NDUFS7: variants seen among roughly 807,000 people sequenced by gnomAD.
NDUFS7 encodes NADH:ubiquinone oxidoreductase core subunit S7.
A neutral mutation model predicts 31.1 loss-of-function variants in NDUFS7; 11 were observed. The ratio of observed to expected loss-of-function variants is 0.35; its 90% CI spans 0.22 to 0.59. The LOEUF is 0.59. Ranked by LOEUF, NDUFS7 falls within the 20% of genes least tolerant of loss-of-function variation. NDUFS7 has a pLI of 0.79. For missense variants in NDUFS7, 263 were observed against 324.2 expected, an observed-to-expected ratio of 0.81 and a Z score of 1.45; for synonymous variants, 136 against 127.9, an observed-to-expected ratio of 1.06 and a Z score of -0.43.
chr19:1,387,822 C>T lies in NDUFS7; in HGVS notation c.28C>T (p.Arg10Cys), dbSNP rs756668743. The T allele has an allele frequency of 5.0e-6, 8 of 1,610,088 alleles. No individual in the cohort carries two copies. Among genetic ancestry groups the T allele is most frequent in the Middle Eastern group, 1.6e-4 (1 of 6,078 alleles). The change falls in exon 2 of 8, where the codon CGC becomes TGC. Residue 10 changes from arginine (R) to cysteine (C), a missense_variant. Coordinates refer to ENST00000233627, the MANE Select transcript of NDUFS7 (RefSeq NM_024407.5). Reference protein sequence around the residue: MAVLSAPGLRGFRILGLRSS... With the variant: MAVLSAPGLCGFRILGLRSS... ...GGTCCTCTCTGCAGCTCCTGGCCTGCGCGGCTTCCGGATCCTTGGTCTGCG... is the reference window on the plus strand; with the variant it reads ...GGTCCTCTCTGCAGCTCCTGGCCTGTGCGGCTTCCGGATCCTTGGTCTGCG...
In NDUFS7 at chr19:1,395,494, C is replaced by G. The variant is rs1046319305; in HGVS notation, c.*6C>G. 1 of 1,562,996 alleles carries G rather than the reference C, an allele frequency of 6.4e-7. No individual in the cohort carries two copies. Among genetic ancestry groups the G allele is most frequent in the Non-Finnish European group, 8.7e-7 (1 of 1,155,102 alleles). ...AGATCTGGTACCGCAGGTAGCGCCG[C>G]CGCCGCCGCCGCCGGAGCCTGTCGC... On this transcript the variant is annotated 3_prime_UTR_variant, in exon 8 of 8. Coordinates refer to ENST00000233627, the MANE Select transcript of NDUFS7 (RefSeq NM_024407.5).
chr19:1,395,366 C>G, intron 7 of NDUFS7, 25 bp from the exon 8 acceptor site: 3 of 1,591,464 alleles, frequency 1.9e-6, no homozygotes, highest in Non-Finnish European at 2.6e-6. Context: ...CTGCGGGAAG[C>G]GAGACTGAGG....
chr19:1,394,579 GACC>G, intron 7 of NDUFS7: 1 of 1,232,696 alleles, frequency 8.1e-7, no homozygotes, highest in Non-Finnish European at 1.0e-6. Context: ...CCTCCCTGCG[GACC>G]GCGCTCGGCC....
At chr19:1,384,174 C>G (rs952422373) in intron 1 of NDUFS7, 4 of 533,366 alleles carry the variant, frequency 7.5e-6, no homozygotes, top group Non-Finnish European at 1.3e-5. Flanking sequence ...ATGACGCAAG[C>G]CTCCAGCCTC....
At position 1,393,339 on chromosome 19, in the gene NDUFS7, G is replaced by A. The variant is rs756896939; in HGVS notation, c.544+9G>A. 1.3e-5 allele frequency: 20 copies of A among 1,564,080 alleles called. No homozygotes were observed. Among genetic ancestry groups the A allele is most frequent in the Middle Eastern group, 3.3e-4 (2 of 6,028 alleles). On this transcript the variant is annotated intron_variant, in intron 7 of 7. Transcript: ENST00000233627. The surrounding 1 kb of genome is among the most constrained non-coding windows in gnomAD (Gnocchi z 7.3). ...GGACATCTACATCCCAGGTAGGGCC[G>A]GGACCGCACCGCCCACGAGGGAGCT...
At position 1,391,731 on chromosome 19, in the gene NDUFS7, C is replaced by G. The variant is rs1032296810; in HGVS notation, c.455+566C>G. The G allele has an allele frequency of 9.6e-4, 152 of 158,662 alleles. 1 individual carries two copies. The highest frequency in any genetic ancestry group is 3.4e-3 in the African/African-American group (142 of 41,598). 9.8% of individuals were successfully genotyped at this position (158,662 alleles called of 1,614,324 possible). On this transcript the variant is annotated intron_variant, in intron 6 of 7. Coordinates refer to ENST00000233627, the MANE Select transcript of NDUFS7 (RefSeq NM_024407.5). Reference sequence around the variant, plus strand: ...TGAACTCCCTCAGGTGATCCGCCTGCCTCGGCCTCCCAAAGTGCTGGGATT... The same window carrying G: ...TGAACTCCCTCAGGTGATCCGCCTGGCTCGGCCTCCCAAAGTGCTGGGATT...
chr19:1,389,214 CAT>C (rs917825562), intron 4 of NDUFS7: 39 of 681,182 alleles, frequency 5.7e-5, no homozygotes, highest in Admixed American at 2.9e-4. Flanking sequence ...CGCTTGCACA[CAT>C]ACACACATGC....
At chr19:1,387,606 C>A (rs889519716) in intron 1 of NDUFS7, 2 of 608,910 alleles carry the variant, frequency 3.3e-6, no homozygotes, top group Non-Finnish European at 6.0e-6. Context: ...GTTTGGGTTC[C>A]TTCCGGGGCC....
In NDUFS7 at chr19:1,393,248, C is replaced by T; in HGVS notation, c.462C>T (p.Ala154=). 6.4e-7 allele frequency: 1 copy of T among 1,567,636 alleles called. No homozygotes were observed. The highest frequency in any genetic ancestry group is 8.6e-7 in the Non-Finnish European group (1 of 1,157,174). Residue 154 remains alanine, a synonymous_variant, in exon 7 of 8, where the codon GCC becomes GCT. Transcript: ENST00000233627. This position sits in a 1 kb window ranked among gnomAD's most constrained non-coding sequence, Gnocchi z 7.3. The part of the protein sequence containing the change: ...PRYVVSMGSC[A]NGGGYYHYSY... ...CACGGTGCCTCCCCAACAGCTGCGC[C>T]AACGGAGGAGGCTACTACCACTATT...
chr19:1,387,747 C>A (rs1390020152), intron 1 of NDUFS7, 64 bp from the exon 2 acceptor site: 1 of 1,516,312 alleles, frequency 6.6e-7, no homozygotes, highest in Admixed American at 1.7e-5. Flanking sequence ...TGGGGAAGCG[C>A]CTGGAGGCCG....
chr19:1,389,708 C>A (rs186884044), intron 4 of NDUFS7: 282 of 355,264 alleles, frequency 7.9e-4, no homozygotes, highest in Non-Finnish European at 1.4e-3. Context: ...GCAGCGTGAG[C>A]ACGTGCAGCT....
At chr19:1,387,757 G>A (rs1158883788) in intron 1 of NDUFS7, 54 bp from the exon 2 acceptor site, 7 of 1,579,226 alleles carry the variant, frequency 4.4e-6, no homozygotes, top group South Asian at 1.1e-5. Flanking sequence ...CCTGGAGGCC[G>A]GCCCTGCGTG....
chr19:1,393,050 C>T lies in NDUFS7; in HGVS notation c.456-192C>T, dbSNP rs1278206715. 1 of 616,540 alleles carries T rather than the reference C, an allele frequency of 1.6e-6. No individual in the cohort carries two copies. Among genetic ancestry groups the T allele is most frequent in the East Asian group, 2.7e-5 (1 of 36,444 alleles). The allele number at this position is 616,540 out of a possible 1,614,324, so 38.2% of individuals were successfully genotyped here. On this transcript the variant is annotated intron_variant, in intron 6 of 7. Transcript: ENST00000233627. This position sits in a 1 kb window ranked among gnomAD's most constrained non-coding sequence, Gnocchi z 7.3. ...CCCCGAGTTATCAGCCACGTGTGAGCTTGCGCCCCACTGGTCCCACAGAGG... is the reference window on the plus strand; with the variant it reads ...CCCCGAGTTATCAGCCACGTGTGAGTTTGCGCCCCACTGGTCCCACAGAGG...
intron 4 of NDUFS7, chr19:1,389,373 C>T: frequency 4.3e-6 from 2 of 466,368 alleles, no homozygotes; most frequent in Non-Finnish European, 4.3e-6. Flanking sequence ...GCATGTGTGC[C>T]TGTTGGCATG....
At chr19:1,385,901 C>G in intron 1 of NDUFS7, among the ~76,000 whole-genome samples, 1 of 152,340 alleles carries the variant, frequency 6.6e-6, no homozygotes, top group Admixed American at 6.5e-5. Context: ...AGAGTATCTC[C>G]TCTGCTAGGA....
chr19:1,385,901 C>T (rs2082504543), intron 1 of NDUFS7, among the ~76,000 whole-genome samples: 1 of 152,222 alleles, frequency 6.6e-6, no homozygotes, highest in Admixed American at 6.5e-5. Flanking sequence ...AGAGTATCTC[C>T]TCTGCTAGGA....
Position 1,393,478 on chromosome 19 carries a change from C to G in NDUFS7, c.544+148C>G. ...GATGGGCCGACTCGGAGCGCTGCCTCTTAGTGGAGCCTGTCCCCTGTGAGA... is the reference window on the plus strand; with the variant it reads ...GATGGGCCGACTCGGAGCGCTGCCTGTTAGTGGAGCCTGTCCCCTGTGAGA... On this transcript the variant is annotated intron_variant, in intron 7 of 7. Coordinates refer to ENST00000233627, the MANE Select transcript of NDUFS7 (RefSeq NM_024407.5). The surrounding 1 kb of genome is among the most constrained non-coding windows in gnomAD (Gnocchi z 7.3). 9.8e-6 allele frequency: 7 copies of G among 713,774 alleles called. No individual in the cohort carries two copies. The highest frequency in any genetic ancestry group is 1.8e-5 in the Non-Finnish European group (7 of 397,420). 44.2% of individuals were successfully genotyped at this position (713,774 alleles called of 1,614,324 possible). A position where few individuals can be genotyped will look rare whatever the true frequency, so the allele number is the denominator to read the frequency against.
At chr19:1,395,026 C>A in intron 7 of NDUFS7, 1 of 1,168,614 alleles carries the variant, frequency 8.6e-7, no homozygotes, top group Non-Finnish European at 1.1e-6. Flanking sequence ...TCCAGGGCAG[C>A]CCCGGGCCCT....
chr19:1,391,275 G>A lies in NDUFS7; in HGVS notation c.455+110G>A, dbSNP rs937638159. The A allele has an allele frequency of 6.7e-5, 93 of 1,387,018 alleles. 1 individual carries two copies. The highest frequency in any genetic ancestry group is 8.9e-5 in the Non-Finnish European group (89 of 1,000,958). 85.9% of individuals were successfully genotyped at this position (1,387,018 alleles called of 1,614,324 possible). ...TCATCTACATTCAGTGAAATCCCAC[G>A]TGGTCCCGGCGCTGCCCTTCAGCCG... On this transcript the variant is annotated intron_variant, in intron 6 of 7. Transcript: ENST00000233627.
Sources: allele counts gnomAD v4.1 joint callset (sites outside exome capture counted in the v4.1 genomes callset), GRCh38; gene constraint gnomAD v4.1.1; non-coding constraint Gnocchi (gnomAD v3.1); transcripts MANE v1.5; gene names NCBI Gene and HGNC (gene_info 2026-07-23, HGNC 2026-07-21).